GTF2A1: variants seen among roughly 807,000 people sequenced by gnomAD.
The protein encoded by GTF2A1 is transcription initiation factor IIA subunit 1.
GTF2A1 carries 12 observed loss-of-function variants against 54.1 expected under a neutral mutation model. The ratio of observed to expected loss-of-function variants is 0.22; its 90% CI spans 0.14 to 0.36. The LOEUF is 0.36. GTF2A1 is among the 10% of genes least tolerant of loss of function. The pLI is 1.00. For missense variants in GTF2A1, 335 were observed against 442.2 expected, an observed-to-expected ratio of 0.76 and a Z score of 2.17; for synonymous variants, 145 against 152.0, an observed-to-expected ratio of 0.95 and a Z score of 0.34.
intron 2 of GTF2A1, among the ~76,000 whole-genome samples, chr14:81,208,822 C>T (rs926652775): frequency 6.6e-6 from 1 of 152,194 alleles, no homozygotes; most frequent in African/African-American, 2.4e-5. Context: ...CACTGGATTT[C>T]GGACTTATAT....
chr14:81,192,960 T>G (rs1892909185), intron 6 of GTF2A1, 121 bp from the exon 7 acceptor site: 2 of 645,166 alleles, frequency 3.1e-6, no homozygotes, highest in Admixed American at 2.8e-5. Context: ...AGTTAAAAAC[T>G]ACCAAAGTAC....
chr14:81,201,817 T>C lies in GTF2A1; in HGVS notation c.338-159A>G, dbSNP rs141075473. Among the ~76,000 whole-genome samples, 334 of 152,320 alleles carry C rather than the reference T, an allele frequency of 2.2e-3. 3 individuals carry two copies. The highest frequency in any genetic ancestry group is 7.3e-3 in the African/African-American group (305 of 41,560). On this transcript the variant is annotated intron_variant, in intron 3 of 8. Coordinates refer to ENST00000553612, the MANE Select transcript of GTF2A1 (RefSeq NM_015859.4). ...TTCATCTCAGGACATTATAAATGTATATGGCAAATAACAGCTGTGATATAC... is the reference window on the plus strand; with the variant it reads ...TTCATCTCAGGACATTATAAATGTACATGGCAAATAACAGCTGTGATATAC...
intron 2 of GTF2A1, chr14:81,209,973 C>T: frequency 1.1e-6 from 1 of 935,022 alleles, no homozygotes; most frequent in Non-Finnish European, 1.5e-6. Context: ...CTATTGTCTT[C>T]TAGAATACTG....
rs142796361 is a variant in GTF2A1 at position 81,197,858 on chromosome 14, G to A, written c.403-374C>T. Reference sequence around the variant, plus strand: ...AGACAATACCCACATTAACAATGCTGTACAATATATGAAATGGCTATTTCA... The same window carrying A: ...AGACAATACCCACATTAACAATGCTATACAATATATGAAATGGCTATTTCA... On this transcript the variant is annotated intron_variant, in intron 4 of 8. Transcript: ENST00000553612. Among the ~76,000 whole-genome samples, 32 of 151,996 alleles carry A rather than the reference G, an allele frequency of 2.1e-4. No homozygotes were observed. In the East Asian group the frequency reaches 6.2e-3, roughly 29 times the overall value.
intron 7 of GTF2A1, 144 bp downstream of exon 7, chr14:81,192,375 A>G (rs1188964719): frequency 1.6e-6 from 1 of 634,190 alleles, no homozygotes; most frequent in Non-Finnish European, 2.7e-6. Flanking sequence ...TAAAGTTAAA[A>G]CAATCTAACT....
chr14:81,217,914 T>A (rs1222644581), intron 1 of GTF2A1, among the ~76,000 whole-genome samples: 1 of 152,270 alleles, frequency 6.6e-6, no homozygotes, highest in Non-Finnish European at 1.5e-5. Context: ...TACTGTTCAC[T>A]CACTAACCTG....
intron 2 of GTF2A1, among the ~76,000 whole-genome samples, chr14:81,214,798 C>G (rs1055479250): frequency 1.6e-4 from 24 of 151,986 alleles, no homozygotes; most frequent in African/African-American, 5.6e-4. Context: ...ACATAAATAA[C>G]ATTTTTCTGA....
intron 4 of GTF2A1, among the ~76,000 whole-genome samples, chr14:81,199,270 G>T (rs772776109): frequency 2.1e-4 from 32 of 152,068 alleles, no homozygotes; most frequent in Non-Finnish European, 3.7e-4. Context: ...AATTCAAGCT[G>T]CATAACATAT....
intron 1 of GTF2A1, among the ~76,000 whole-genome samples, chr14:81,219,816 T>G (rs986934545): frequency 1.3e-5 from 2 of 152,138 alleles, no homozygotes; most frequent in Non-Finnish European, 2.9e-5. Context: ...CTGCAGGCTT[T>G]TTTTGTTTGT....
chr14:81,204,271 A>T (rs1391956696), intron 2 of GTF2A1, 167 bp from the exon 3 acceptor site: 2 of 755,030 alleles, frequency 2.6e-6, no homozygotes, highest in Admixed American at 3.6e-5. Context: ...TAACAAAAAC[A>T]AAATTTTAAA....
chr14:81,211,380 C>T (rs1042882307), intron 2 of GTF2A1, among the ~76,000 whole-genome samples: 1 of 152,228 alleles, frequency 6.6e-6, no homozygotes, highest in African/African-American at 2.4e-5. Context: ...CTAGTCAAAA[C>T]TCTGTTACCT....
At chr14:81,192,934 G>C in intron 6 of GTF2A1, 95 bp from the exon 7 acceptor site, 2 of 748,878 alleles carry the variant, frequency 2.7e-6, no homozygotes, top group Admixed American at 4.8e-5. Context: ...CACCAGAATG[G>C]CCATATTTCA....
chr14:81,198,656 C>CA (rs1441100796), intron 4 of GTF2A1, among the ~76,000 whole-genome samples: 1 of 152,190 alleles, frequency 6.6e-6, no homozygotes, highest in Non-Finnish European at 1.5e-5. Context: ...TATAGCTACA[C>CA]ATTTTGGTAG....
At position 81,220,505 on chromosome 14, in the gene GTF2A1, G is replaced by C. The variant is rs1455032542; in HGVS notation, c.14C>G (p.Ala5Gly). 6.3e-7 allele frequency: 1 copy of C among 1,578,322 alleles called. No individual in the cohort carries two copies. Among genetic ancestry groups the C allele is most frequent in the Non-Finnish European group, 8.6e-7 (1 of 1,161,662 alleles). The change falls in exon 1 of 9, where the codon GCA becomes GGA. Residue 5 changes from alanine to glycine, a missense_variant. By Grantham distance (60) the Ala-to-Gly change is moderately conservative (BLOSUM62 0). Transcript: ENST00000553612. The part of the protein sequence containing the change: MANS[A>G]NTNTVPKLYR... Reference sequence around the variant, plus strand: ...CGTCCTTACCACGGTGTTTGTATTTGCCGAGTTCGCCATTTCCACACACAA... The same window carrying C: ...CGTCCTTACCACGGTGTTTGTATTTCCCGAGTTCGCCATTTCCACACACAA...
At chr14:81,181,342 T>TAA (rs545488574) in intron 8 of GTF2A1, among the ~76,000 whole-genome samples, 13 of 138,448 alleles carry the variant, frequency 9.4e-5, no homozygotes, top group African/African-American at 2.3e-4. Flanking sequence ...TAAAGGTACC[T>TAA]AAAAAAAAAA....
intron 2 of GTF2A1, among the ~76,000 whole-genome samples, chr14:81,207,047 G>T (rs1009554198): frequency 3.3e-5 from 5 of 152,074 alleles, no homozygotes; most frequent in African/African-American, 7.2e-5. Context: ...TTATCAAGGC[G>T]AATTTTTTTA....
intron 5 of GTF2A1, among the ~76,000 whole-genome samples, chr14:81,196,867 A>G (rs938305442): frequency 1.3e-5 from 2 of 152,204 alleles, no homozygotes; most frequent in African/African-American, 4.8e-5. Context: ...ACAAATTAAC[A>G]AAAATAACAT....
At chr14:81,210,437 T>C (rs1291046203) in intron 2 of GTF2A1, among the ~76,000 whole-genome samples, 1 of 152,022 alleles carries the variant, frequency 6.6e-6, no homozygotes, top group Non-Finnish European at 1.5e-5. Context: ...GAGGCTGAGG[T>C]GGGCAGATCA....
rs1892906597 is a variant in GTF2A1 at position 81,192,823 on chromosome 14, G to T, written c.629C>A (p.Pro210His). 6.2e-7 allele frequency: 1 copy of T among 1,608,862 alleles called. No homozygotes were observed. The highest frequency in any genetic ancestry group is 8.5e-7 in the Non-Finnish European group (1 of 1,175,458). ...PVIQQVLAPLPGGISPQTGVI... is the reference protein window; with the variant it reads ...PVIQQVLAPLHGGISPQTGVI... ...ACCTGTCTGTGGTGAAATCCCTCCA[G>T]GAAGAGGAGCCAGCACCTAAAGCAA... Residue 210 changes from proline to histidine, a missense_variant, in exon 7 of 9, where the codon CCT (proline) becomes CAT (histidine). Pro to His is a moderately conservative substitution (Grantham distance 77, BLOSUM62 -2). Coordinates refer to ENST00000553612, the MANE Select transcript of GTF2A1 (RefSeq NM_015859.4).
Sources: gnomAD v4.1 joint callset for allele counts (sites outside exome capture counted in the v4.1 genomes callset) on GRCh38, gnomAD v4.1.1 for gene constraint, MANE v1.5 for transcripts, NCBI Gene and HGNC (gene_info 2026-07-23, HGNC 2026-07-21) for gene names.